ABCC11: variants seen among roughly 807,000 people sequenced by gnomAD.
ABCC11 encodes the protein ATP-binding cassette sub-family C member 11.
A neutral mutation model predicts 149.3 loss-of-function variants in ABCC11; 135 were observed. The observed-to-expected ratio is 0.90, with a 90% CI of 0.79 to 1.04. The LOEUF (loss-of-function observed/expected upper bound fraction) is 1.04, where lower values mean the gene tolerates loss of function less well. Among genes scored for constraint, ABCC11 ranks in the 50% least tolerant of loss-of-function variants. ABCC11 has a pLI of 0.00. For synonymous variants in ABCC11, 665 were observed against 671.4 expected, an observed-to-expected ratio of 0.99 and a Z score of 0.15; for missense variants, 1,680 against 1,722.1, an observed-to-expected ratio of 0.98 and a Z score of 0.43.
intron 12 of ABCC11, among the ~76,000 whole-genome samples, chr16:48,207,394 G>A (rs1056814665): frequency 8.5e-5 from 13 of 152,150 alleles, no homozygotes; most frequent in African/African-American, 3.1e-4. Context: ...GGCCGGGCAT[G>A]GTGGCTCACA....
At chr16:48,201,775 T>C (rs1406703040) in intron 14 of ABCC11, among the ~76,000 whole-genome samples, 1 of 152,206 alleles carries the variant, frequency 6.6e-6, no homozygotes, top group Non-Finnish European at 1.5e-5. Flanking sequence ...ACACGGCACC[T>C]GCTGTGATAG....
intron 2 of ABCC11, among the ~76,000 whole-genome samples, chr16:48,231,187 A>G (rs770358331): frequency 6.6e-6 from 1 of 151,792 alleles, no homozygotes; most frequent in Non-Finnish European, 1.5e-5. Context: ...GGGTTTGCAG[A>G]TGCTTATTAT....
At chr16:48,174,907 G>C (rs1228831584) in intron 26 of ABCC11, among the ~76,000 whole-genome samples, 1 of 152,204 alleles carries the variant, frequency 6.6e-6, no homozygotes, top group South Asian at 2.1e-4. Flanking sequence ...CACAGTCATA[G>C]TGTACTACAG....
At chr16:48,173,430 T>C (rs1310286260) in intron 26 of ABCC11, among the ~76,000 whole-genome samples, 1 of 152,230 alleles carries the variant, frequency 6.6e-6, no homozygotes, top group Non-Finnish European at 1.5e-5. Context: ...ACAGTGTTGC[T>C]GGGAGAGTTA....
In ABCC11 at chr16:48,224,323, G is replaced by C; in HGVS notation, c.502C>G (p.Leu168Val). 6.2e-7 allele frequency: 1 copy of C among 1,614,214 alleles called. No individual in the cohort carries two copies. The highest frequency in any genetic ancestry group is 8.5e-7 in the Non-Finnish European group (1 of 1,180,028). The change falls in exon 5 of 30, where the codon CTT becomes GTT. Residue 168 changes from leucine to valine, a missense_variant. By Grantham distance (32) the Leu-to-Val change is conservative. Transcript: ENST00000356608. ...GCAATGCAGAAGCAGATGCCCAGAAGTGCATCGAAAATCAACCTTGTTCTC... is the reference window on the plus strand; with the variant it reads ...GCAATGCAGAAGCAGATGCCCAGAACTGCATCGAAAATCAACCTTGTTCTC... Reference protein sequence around the residue: ...FQRTRLIFDALLGICFCIASV... With the variant: ...FQRTRLIFDAVLGICFCIASV...
chr16:48,186,881 C>T (rs1043890105), intron 22 of ABCC11, 72 bp downstream of exon 22: 81 of 1,564,874 alleles, frequency 5.2e-5, no homozygotes, highest in Middle Eastern at 2.1e-4. Flanking sequence ...CACTCCCAGA[C>T]GCTCCATTCT....
intron 28 of ABCC11, among the ~76,000 whole-genome samples, chr16:48,169,806 A>T (rs1041990339): frequency 2.0e-5 from 3 of 150,638 alleles, no homozygotes; most frequent in Non-Finnish European, 4.4e-5. Flanking sequence ...TAGGAGATAT[A>T]CCTAATGTAA....
intron 1 of ABCC11, 159 bp from the exon 2 acceptor site, chr16:48,232,098 G>A: frequency 7.3e-7 from 1 of 1,376,596 alleles, no homozygotes. Flanking sequence ...CTTAGCCTGT[G>A]CTTGATCCCT....
Position 48,200,392 on chromosome 16 carries a change from G to C in ABCC11, c.1966C>G (p.Leu656Val). 1 of 1,614,262 alleles carries C rather than the reference G, an allele frequency of 6.2e-7. No individual in the cohort carries two copies. The highest frequency in any genetic ancestry group is 2.2e-5 in the East Asian group (1 of 44,886). The change falls in exon 15 of 30, where the codon CTG becomes GTG. Residue 656 changes from leucine to valine, a missense_variant. Leu to Val is a conservative substitution (Grantham distance 32). Transcript: ENST00000356608. ...ACAGCAGACAGGGGGTCGTCCAGCA[G>C]GTAGATCTGACGGTCGGAATAGACG... Reference protein sequence around the residue: ...RAVYSDRQIYLLDDPLSAVDA... With the variant: ...RAVYSDRQIYVLDDPLSAVDA...
Position 48,167,625 on chromosome 16 carries a change from G to A in ABCC11, c.3927C>T (p.Asp1309=), listed in dbSNP as rs1363533443. ...GCTGGATCAGGGTGTCTGTCTCCAT[G>A]TCAATGGAGGCTGTGGCTTCATCGA... ...ILIDEATASI[D]METDTLIQRT... is the part of the protein sequence containing the mutation. Residue 1309 remains aspartate, a synonymous_variant, in exon 29 of 30, where the codon GAC becomes GAT. Transcript: ENST00000356608. 1 of 1,614,174 alleles carries A rather than the reference G, an allele frequency of 6.2e-7. No individual in the cohort carries two copies. Among genetic ancestry groups the A allele is most frequent in the Admixed American group, 1.7e-5 (1 of 60,026 alleles).
intron 6 of ABCC11, among the ~76,000 whole-genome samples, chr16:48,218,170 C>T (rs112345293): frequency 0.19 from 28,939 of 151,986 alleles, 3,122 homozygotes; most frequent in African/African-American, 0.29. Context: ...GTGGTGTGTG[C>T]CTGTAGTCCT....
rs774404726 is a variant in ABCC11, at chr16:48,200,421, C to A, written c.1937G>T (p.Arg646Leu). 3.1e-6 allele frequency: 5 copies of A among 1,614,210 alleles called. No homozygotes were observed. The South Asian group carries it at 4.4e-5, about 14-fold the overall frequency. The change falls in exon 15 of 30, where the codon CGC becomes CTC. Residue 646 changes from arginine (R) to leucine (L), a missense_variant. Coordinates refer to ENST00000356608, the MANE Select transcript of ABCC11 (RefSeq NM_001370497.1). ...GGQKQRISLARAVYSDRQIYL... is the reference protein window; with the variant it reads ...GGQKQRISLALAVYSDRQIYL... ...GATCTGACGGTCGGAATAGACGGCG[C>A]GGGCCAGGCTGATCCTCTGTTTCTG...
chr16:48,242,154 A>C (rs1322411811), intron 1 of ABCC11, among the ~76,000 whole-genome samples: 2 of 152,242 alleles, frequency 1.3e-5, no homozygotes, highest in Non-Finnish European at 2.9e-5. Context: ...CATCTGACAA[A>C]GGGCTAATAT....
At chr16:48,170,348 T>G in intron 27 of ABCC11, 130 bp from the exon 28 acceptor site, 1 of 743,212 alleles carries the variant, frequency 1.3e-6, no homozygotes, top group Non-Finnish European at 2.3e-6. Context: ...CTCTGTTTTC[T>G]TGCTCCTTAA....
Position 48,230,551 on chromosome 16 carries a change from C to A in ABCC11, c.122G>T (p.Gly41Val). ...LIYKTYTLQDGPWSQQERNPE... is the reference protein window; with the variant it reads ...LIYKTYTLQDVPWSQQERNPE... Reference sequence around the variant, plus strand: ...ATTTCTCTCTTGCTGACTCCAGGGGCCATCTTGGAGAGTATAGGTTTTCTT... The same window carrying A: ...ATTTCTCTCTTGCTGACTCCAGGGGACATCTTGGAGAGTATAGGTTTTCTT... Residue 41 changes from glycine to valine, a missense_variant, in exon 3 of 30, where the codon GGC becomes GTC. By Grantham distance (109) the Gly-to-Val change is moderately radical (BLOSUM62 -3). Coordinates refer to ENST00000356608, the MANE Select transcript of ABCC11 (RefSeq NM_001370497.1). 2 of 1,608,996 alleles carry A rather than the reference C, an allele frequency of 1.2e-6. No homozygotes were observed. The highest frequency in any genetic ancestry group is 1.7e-6 in the Non-Finnish European group (2 of 1,177,558).
At position 48,167,584 on chromosome 16, in the gene ABCC11, G is replaced by T. The variant is rs1290969799; in HGVS notation, c.3968C>A (p.Ala1323Asp). ...DTLIQRTIREAFQGCTVLVIA... is the reference protein window; with the variant it reads ...DTLIQRTIREDFQGCTVLVIA... The stretch of plus-strand genomic sequence containing the variant: ...GACGAGCACGGTGCAGCCCTGGAAG[G>T]CTTCACGGATTGTGCGCTGGATCAG... The change falls in exon 29 of 30, where the codon GCC becomes GAC. Residue 1323 changes from alanine to aspartate, a missense_variant. By Grantham distance (126) the Ala-to-Asp change is moderately radical (BLOSUM62 -2). Transcript: ENST00000356608. 1 of 1,614,156 alleles carries T rather than the reference G, an allele frequency of 6.2e-7. No homozygotes were observed. Among genetic ancestry groups the T allele is most frequent in the Admixed American group, 1.7e-5 (1 of 59,998 alleles).
At chr16:48,167,905 C>A (rs975100444) in intron 28 of ABCC11, among the ~76,000 whole-genome samples, 1 of 152,088 alleles carries the variant, frequency 6.6e-6, no homozygotes, top group Non-Finnish European at 1.5e-5. Flanking sequence ...GAATTAAGTT[C>A]TTGGAAATGA....
At chr16:48,246,054 A>AT (rs771273947) in intron 1 of ABCC11, among the ~76,000 whole-genome samples, 25 of 152,176 alleles carry the variant, frequency 1.6e-4, no homozygotes, top group South Asian at 1.0e-3. Context: ...GACTATGTAC[A>AT]TTTTTTTAGG....
intron 28 of ABCC11, among the ~76,000 whole-genome samples, chr16:48,169,234 C>A (rs1965536051): frequency 6.6e-6 from 1 of 152,150 alleles, no homozygotes; most frequent in Admixed American, 6.5e-5. Context: ...AGAGGATCAT[C>A]ATTTGGTCTA....
Sources: gnomAD v4.1 joint callset for allele counts (sites outside exome capture counted in the v4.1 genomes callset) on GRCh38, gnomAD v4.1.1 for gene constraint, MANE v1.5 for transcripts, NCBI Gene and HGNC (gene_info 2026-07-23, HGNC 2026-07-21) for gene names.